The following INTS10 variants were observed in gnomAD, a reference collection of about 807,000 sequenced individuals.
INTS10 encodes integrator complex subunit 10.
INTS10 carries 44 observed loss-of-function variants against 94.4 expected under a neutral mutation model. The ratio of observed to expected loss-of-function variants is 0.47; its 90% CI spans 0.37 to 0.60. The LOEUF (loss-of-function observed/expected upper bound fraction) is 0.60, where lower values mean the gene tolerates loss of function less well. Among genes scored for constraint, INTS10 ranks in the 20% least tolerant of loss-of-function variants. INTS10 has a pLI of 0.00. For synonymous variants in INTS10, 341 were observed against 320.7 expected (o/e 1.06, Z -0.68); for missense variants, 797 against 868.7 (o/e 0.92, Z 1.04).
Position 19,843,961 on chromosome 8 carries a change from A to T in INTS10, c.1720-115A>T. On this transcript the variant is annotated intron_variant, in intron 14 of 16. Coordinates refer to ENST00000397977, the MANE Select transcript of INTS10 (RefSeq NM_018142.4). This position sits in a 1 kb window ranked among gnomAD's most constrained non-coding sequence, Gnocchi z 4.7. ...CCTTTGTTTCCTTCTTACTCTAATGACGTTTATCACACATTTGCATATACA... is the reference window on the plus strand; with the variant it reads ...CCTTTGTTTCCTTCTTACTCTAATGTCGTTTATCACACATTTGCATATACA... The T allele has an allele frequency of 1.4e-6, 1 of 717,636 alleles. No individual in the cohort carries two copies. The highest frequency in any genetic ancestry group is 2.3e-6 in the Non-Finnish European group (1 of 439,568). The allele number at this position is 717,636 out of a possible 1,614,324, so 44.5% of individuals were successfully genotyped here.
At chr8:19,817,777 G>T in intron 1 of INTS10, 111 bp downstream of exon 1, 1 of 1,379,350 alleles carries the variant, frequency 7.2e-7, no homozygotes, top group Non-Finnish European at 9.7e-7. Flanking sequence ...CCTCCTGCCC[G>T]GCCCCCTGCT....
chr8:19,830,267 A>T, intron 9 of INTS10, 139 bp from the exon 10 acceptor site: 1 of 603,718 alleles, frequency 1.7e-6, no homozygotes, highest in Non-Finnish European at 2.6e-6. Context: ...CTAAATTGTT[A>T]AATTCAAAAA....
At chr8:19,829,339 T>A (rs2067051814) in intron 9 of INTS10, among the ~76,000 whole-genome samples, 1 of 147,626 alleles carries the variant, frequency 6.8e-6, no homozygotes, top group Admixed American at 6.9e-5. Context: ...CAAAATAAAA[T>A]TCAGTGGAGC....
At chr8:19,837,689 A>G (rs2067770522) in intron 13 of INTS10, among the ~76,000 whole-genome samples, 1 of 152,234 alleles carries the variant, frequency 6.6e-6, no homozygotes, top group Admixed American at 6.5e-5. Flanking sequence ...TGTACAGCTG[A>G]TCTGAGTTTG....
chr8:19,838,939 G>T (rs2067893826), intron 13 of INTS10, among the ~76,000 whole-genome samples: 1 of 152,096 alleles, frequency 6.6e-6, no homozygotes, highest in South Asian at 2.1e-4. Context: ...AGGCCTGGTG[G>T]CAGGCACCTG....
intron 13 of INTS10, among the ~76,000 whole-genome samples, chr8:19,839,046 T>A (rs946349685): frequency 6.6e-6 from 1 of 151,810 alleles, no homozygotes; most frequent in African/African-American, 2.4e-5. Context: ...CACTCCAGCC[T>A]GGGCGACAGA....
At chr8:19,823,530 T>C in intron 6 of INTS10, 89 bp downstream of exon 6, 1 of 898,894 alleles carries the variant, frequency 1.1e-6, no homozygotes, top group Non-Finnish European at 1.8e-6. Flanking sequence ...ATTATTCTCC[T>C]CTGGATACTT....
rs1318026096 is a variant in INTS10, at chr8:19,832,045, T to A, written c.1312T>A (p.Leu438Met). Residue 438 changes from leucine to methionine, a missense_variant, in exon 11 of 17, where the codon TTG becomes ATG. Leu to Met is a conservative substitution (Grantham distance 15). Transcript: ENST00000397977. ...TTACTCAGAATTTACAAGGATTTGC[T>A]TGGCCTGGAAGACGGATACTTGGCT... is the stretch of plus-strand genomic sequence containing the variant. Reference protein sequence around the residue: ...FLDKEFTRICLAWKTDTWLWL... With the variant: ...FLDKEFTRICMAWKTDTWLWL... The A allele has an allele frequency of 1.2e-5, 19 of 1,603,850 alleles. No individual in the cohort carries two copies. Among genetic ancestry groups the A allele is most frequent in the Non-Finnish European group, 1.6e-5 (19 of 1,170,574 alleles).
At chr8:19,819,519 T>C (rs1379433377) in intron 2 of INTS10, 54 bp from the exon 3 acceptor site, 3 of 1,363,956 alleles carry the variant, frequency 2.2e-6, no homozygotes, top group East Asian at 5.1e-5. Context: ...TTTTTTCTTT[T>C]GGATACTGTA....
chr8:19,832,649 T>C (rs1485633030), intron 11 of INTS10, among the ~76,000 whole-genome samples: 1 of 152,244 alleles, frequency 6.6e-6, no homozygotes, highest in Non-Finnish European at 1.5e-5. Context: ...CACACCTCTC[T>C]GTAAAAGTAA....
chr8:19,838,916 C>G (rs1282742678), intron 13 of INTS10, among the ~76,000 whole-genome samples: 1 of 151,772 alleles, frequency 6.6e-6, no homozygotes, highest in Non-Finnish European at 1.5e-5. Flanking sequence ...CTAAGAAATA[C>G]AAAAAATTAG....
intron 4 of INTS10, 70 bp from the exon 5 acceptor site, chr8:19,822,369 C>A: frequency 1.2e-6 from 1 of 816,514 alleles, no homozygotes; most frequent in Non-Finnish European, 2.0e-6. Flanking sequence ...AAAAAATACC[C>A]CATTACTTCA....
chr8:19,824,290 G>A (rs563728693), intron 7 of INTS10: 19 of 300,218 alleles, frequency 6.3e-5, no homozygotes, highest in African/African-American at 4.2e-4. Context: ...TCAGGAGTTC[G>A]AGACCAGCCT....
At chr8:19,842,428 G>A (rs541936024) in intron 13 of INTS10, among the ~76,000 whole-genome samples, 54 of 152,232 alleles carry the variant, frequency 3.5e-4, no homozygotes, top group South Asian at 6.2e-4. Context: ...GAATTATGGC[G>A]ACCTCTGCGA....
chr8:19,826,764 G>T (rs775842118), intron 9 of INTS10, among the ~76,000 whole-genome samples: 1 of 152,158 alleles, frequency 6.6e-6, no homozygotes. Flanking sequence ...GACATTTTTG[G>T]TTGTCACAGC....
chr8:19,834,886 G>A (rs1253841382), intron 12 of INTS10, among the ~76,000 whole-genome samples: 1 of 152,126 alleles, frequency 6.6e-6, no homozygotes, highest in Non-Finnish European at 1.5e-5. Context: ...TGTCTGGTGA[G>A]GTCCTGCTTC....
intron 7 of INTS10, 24 bp downstream of exon 7, chr8:19,824,068 AT>A: frequency 6.5e-7 from 1 of 1,543,158 alleles, no homozygotes; most frequent in East Asian, 2.3e-5. Flanking sequence ...TATTTCCAGA[AT>A]TGCCTATTGA....
At chr8:19,822,393 A>G (rs938924542) in intron 4 of INTS10, 46 bp from the exon 5 acceptor site, 2 of 1,169,914 alleles carry the variant, frequency 1.7e-6, no homozygotes, top group Non-Finnish European at 1.3e-6. Context: ...AGTTCTGACA[A>G]CTTATGCTGT....
chr8:19,818,635 CA>C (rs2066127358), intron 2 of INTS10: 1 of 400,218 alleles, frequency 2.5e-6, no homozygotes, highest in South Asian at 2.7e-5. Flanking sequence ...TTATAGAGAA[CA>C]AAAAGTGAAA....
Sources: gnomAD v4.1 joint callset for allele counts (sites outside exome capture counted in the v4.1 genomes callset) on GRCh38, gnomAD v4.1.1 for gene constraint, Gnocchi (gnomAD v3.1) non-coding constraint, MANE v1.5 for transcripts, NCBI Gene and HGNC (gene_info 2026-07-23, HGNC 2026-07-21) for gene names.